The following GABRB1 variants were observed in gnomAD, a reference collection of about 807,000 sequenced individuals.
GABRB1 encodes gamma-aminobutyric acid type A receptor subunit beta1.
A neutral mutation model predicts 51.6 loss-of-function variants in GABRB1; 17 were observed. The ratio of observed to expected loss-of-function variants is 0.33; its 90% confidence interval spans 0.23 to 0.49. The LOEUF is 0.49. Among genes scored for constraint, GABRB1 ranks in the 20% least tolerant of loss-of-function variants. The probability of loss-of-function intolerance (pLI) is 0.99; values close to 1 mark genes in which losing one functional copy is unlikely to be tolerated. For synonymous variants in GABRB1, 247 were observed against 218.9 expected (o/e 1.13, Z -1.14); for missense variants, 410 against 600.6 (o/e 0.68, Z 3.32).
At chr4:47,377,899 C>T (rs925464190) in intron 5 of GABRB1, among the ~76,000 whole-genome samples, 2 of 152,136 alleles carry the variant, frequency 1.3e-5, no homozygotes, top group African/African-American at 2.4e-5. Context: ...TACAGAGTGC[C>T]GATTGGTGTA....
At chr4:47,349,269 G>A (rs780141817) in intron 5 of GABRB1, among the ~76,000 whole-genome samples, 1 of 152,146 alleles carries the variant, frequency 6.6e-6, no homozygotes, top group Non-Finnish European at 1.5e-5. Flanking sequence ...GATGGCTTGG[G>A]AGGTCTGGGG....
At chr4:47,260,650 T>C (rs1433806233) in intron 4 of GABRB1, among the ~76,000 whole-genome samples, 1 of 152,174 alleles carries the variant, frequency 6.6e-6, no homozygotes, top group Non-Finnish European at 1.5e-5. Context: ...TGTTGAATAT[T>C]GGCCCCCACT....
At chr4:47,362,732 C>CA (rs1172643692) in intron 5 of GABRB1, among the ~76,000 whole-genome samples, 1 of 152,056 alleles carries the variant, frequency 6.6e-6, no homozygotes, top group African/African-American at 2.4e-5. Context: ...TTACCTAAGA[C>CA]ATAGATACTT....
chr4:47,008,851 A>C (rs867945892), intron 1 of GABRB1, among the ~76,000 whole-genome samples: 3 of 23,448 alleles, frequency 1.3e-4, no homozygotes, highest in Admixed American at 5.3e-4. Context: ...ATCAGATACT[A>C]CCTTTTTTTT....
At chr4:47,122,369 C>A (rs1050265920) in intron 3 of GABRB1, among the ~76,000 whole-genome samples, 12 of 151,938 alleles carry the variant, frequency 7.9e-5, no homozygotes, top group Non-Finnish European at 2.9e-5. Context: ...ATACGTTTCC[C>A]ATGATTATCA....
intron 6 of GABRB1, 23 bp from the exon 7 acceptor site, chr4:47,403,536 T>TTGGTTGGATAA: frequency 6.2e-7 from 1 of 1,613,764 alleles, no homozygotes; most frequent in Non-Finnish European, 8.5e-7. Flanking sequence ...GTCTGATTAC[T>TTGGTTGGATAA]TGTCTTTTGT....
intron 4 of GABRB1, among the ~76,000 whole-genome samples, chr4:47,305,470 G>A (rs6812867): frequency 0.97 from 147,508 of 152,208 alleles, 71,590 homozygotes; most frequent in East Asian, 1. Flanking sequence ...TGTTTCCTTA[G>A]TTTCCATATT....
chr4:47,037,704 T>C (rs1048642698), intron 3 of GABRB1, among the ~76,000 whole-genome samples: 1 of 152,178 alleles, frequency 6.6e-6, no homozygotes, highest in South Asian at 2.1e-4. Context: ...AAATAGTAAC[T>C]TACTGAACAT....
intron 1 of GABRB1, among the ~76,000 whole-genome samples, chr4:47,023,130 T>C (rs1219394554): frequency 6.6e-6 from 1 of 151,864 alleles, no homozygotes; most frequent in Non-Finnish European, 1.5e-5. Context: ...ATCAAAGCAA[T>C]TGAACTCATG....
intron 3 of GABRB1, among the ~76,000 whole-genome samples, chr4:47,136,213 A>T (rs1322125327): frequency 6.6e-6 from 1 of 152,100 alleles, no homozygotes; most frequent in African/African-American, 2.4e-5. Flanking sequence ...GTTGATCTTG[A>T]ACTCCTGGCT....
At chr4:47,014,336 C>T (rs1032021432) in intron 1 of GABRB1, among the ~76,000 whole-genome samples, 32 of 152,106 alleles carry the variant, frequency 2.1e-4, no homozygotes, top group East Asian at 1.9e-4. Context: ...CTGGGTTTGT[C>T]AATATAAATT....
chr4:47,404,460 C>A (rs1037935419), intron 7 of GABRB1, among the ~76,000 whole-genome samples: 19 of 150,308 alleles, frequency 1.3e-4, no homozygotes, highest in Admixed American at 1.1e-3. Context: ...TCAGTTATCT[C>A]TTTCTGGGGC....
At chr4:47,209,489 C>T (rs1215456487) in intron 4 of GABRB1, among the ~76,000 whole-genome samples, 2 of 151,974 alleles carry the variant, frequency 1.3e-5, no homozygotes, top group Non-Finnish European at 2.9e-5. Flanking sequence ...AAATCATATC[C>T]TCTGACATTC....
intron 5 of GABRB1, among the ~76,000 whole-genome samples, chr4:47,374,199 C>A (rs1171707004): frequency 1.3e-5 from 2 of 152,180 alleles, no homozygotes; most frequent in African/African-American, 4.8e-5. Context: ...CCAGCCTGGG[C>A]AACATGGTGA....
At chr4:47,297,894 G>GGGCTTC (rs1724071758) in intron 4 of GABRB1, among the ~76,000 whole-genome samples, 5 of 152,296 alleles carry the variant, frequency 3.3e-5, no homozygotes, top group Admixed American at 2.6e-4. Context: ...TATCCACCAT[G>GGGCTTC]ATCAAGTGGG....
At chr4:47,249,392 T>A (rs939666702) in intron 4 of GABRB1, among the ~76,000 whole-genome samples, 2 of 152,144 alleles carry the variant, frequency 1.3e-5, no homozygotes, top group African/African-American at 4.8e-5. Flanking sequence ...TAATTTCAAT[T>A]TTCTTAAATT....
intron 4 of GABRB1, among the ~76,000 whole-genome samples, chr4:47,188,508 A>T (rs1719287263): frequency 6.6e-6 from 1 of 151,954 alleles, no homozygotes; most frequent in Admixed American, 6.6e-5. Context: ...GACTGCAATC[A>T]ATAGTCCCCT....
chr4:47,275,177 T>C (rs556056143), intron 4 of GABRB1, among the ~76,000 whole-genome samples: 8 of 152,278 alleles, frequency 5.3e-5, no homozygotes, highest in African/African-American at 1.9e-4. Flanking sequence ...ATTTACTCTG[T>C]ATGTTTACTT....
At chr4:47,022,323 G>A (rs1012053422) in intron 1 of GABRB1, among the ~76,000 whole-genome samples, 2 of 151,966 alleles carry the variant, frequency 1.3e-5, no homozygotes, top group African/African-American at 4.8e-5. Context: ...CAACACAATT[G>A]AATGTTAGTT....
Sources: allele counts gnomAD v4.1 joint callset (sites outside exome capture counted in the v4.1 genomes callset), GRCh38; gene constraint gnomAD v4.1.1; transcripts MANE v1.5; gene names NCBI Gene and HGNC (gene_info 2026-07-23, HGNC 2026-07-21).